The following DRAM1 variants were observed in gnomAD, a reference collection of about 807,000 sequenced individuals.
DRAM1 encodes the protein DNA damage regulated autophagy modulator 1, also known as DNA damage-regulated autophagy modulator protein 1.
In DRAM1, 25 loss-of-function variants were observed where a neutral mutation model predicts 28.5. The ratio of observed to expected loss-of-function variants is 0.88; its 90% CI spans 0.64 to 1.23. DRAM1 has a LOEUF of 1.23. DRAM1 is among the 50% of genes most tolerant of loss of function. The pLI is 0.00. For missense variants in DRAM1, 249 were observed against 299.2 expected, an observed-to-expected ratio of 0.83 and a Z score of 1.24; for synonymous variants, 113 against 114.2, an observed-to-expected ratio of 0.99 and a Z score of 0.07.
At chr12:101,882,596 T>C (rs938942945) in intron 1 of DRAM1, among the ~76,000 whole-genome samples, 1 of 151,336 alleles carries the variant, frequency 6.6e-6, no homozygotes, top group Non-Finnish European at 1.5e-5. Flanking sequence ...GAAAAGATAC[T>C]CAACTTTATG....
chr12:101,908,893 CAAA>C (rs56843086), intron 4 of DRAM1, among the ~76,000 whole-genome samples: 4 of 70,908 alleles, frequency 5.6e-5, no homozygotes, highest in Non-Finnish European at 8.9e-5. Flanking sequence ...TCCCCACAAC[CAAA>C]AAAAAAAAAA....
chr12:101,919,066 C>T (rs185796209), intron 5 of DRAM1, among the ~76,000 whole-genome samples: 5 of 151,870 alleles, frequency 3.3e-5, no homozygotes, highest in East Asian at 1.9e-4. Context: ...GGACTGCAGG[C>T]GCAGGCCACC....
At chr12:101,900,678 A>G (rs1873566293) in intron 2 of DRAM1, among the ~76,000 whole-genome samples, 1 of 152,224 alleles carries the variant, frequency 6.6e-6, no homozygotes, top group Non-Finnish European at 1.5e-5. Context: ...GCAAGGGCAT[A>G]CACAATTGCT....
chr12:101,907,181 C>T (rs564076226), intron 3 of DRAM1, among the ~76,000 whole-genome samples: 221 of 120,990 alleles, frequency 1.8e-3, no homozygotes, highest in Middle Eastern at 6.1e-3. Flanking sequence ...ACCTAAGCGA[C>T]GGAGTGAGAC....
intron 3 of DRAM1, among the ~76,000 whole-genome samples, chr12:101,905,280 T>G (rs1172276657): frequency 6.6e-6 from 1 of 152,202 alleles, no homozygotes; most frequent in African/African-American, 2.4e-5. Flanking sequence ...TTTGTATTTG[T>G]ATTTTTACCT....
Position 101,904,426 on chromosome 12 carries a change from GGTTTTTTTTTTTT to G in DRAM1, c.342+2994_342+3006del, listed in dbSNP as rs1873721360. On this transcript the variant is annotated intron_variant, in intron 3 of 6. Coordinates refer to ENST00000258534, the MANE Select transcript of DRAM1 (RefSeq NM_018370.3). ...TGAAGCTGAGTGATAGAGCTTTAGG[GGTTTTTTTTTTTT>G]TTTTTTTTTTTTTTTTTTTTGAGAC... 2.8e-4 allele frequency among the ~76,000 whole-genome samples: 11 copies of G among 39,148 alleles called. 1 individual carries two copies. In the South Asian group the frequency reaches 4.9e-3, roughly 17 times the overall value. 25.7% of individuals were successfully genotyped at this position (39,148 alleles called of 152,430 possible).
chr12:101,891,327 T>A (rs1405168309), intron 1 of DRAM1, among the ~76,000 whole-genome samples: 1 of 152,222 alleles, frequency 6.6e-6, no homozygotes, highest in African/African-American at 2.4e-5. Context: ...ACACATGATG[T>A]TGCATTTTGT....
At chr12:101,898,010 T>C in intron 2 of DRAM1, 80 bp downstream of exon 2, 1 of 830,392 alleles carries the variant, frequency 1.2e-6, no homozygotes, top group South Asian at 1.9e-5. Flanking sequence ...GTAGTTTTCA[T>C]ATAATTTTTA....
chr12:101,881,573 G>A (rs1872688516), intron 1 of DRAM1, among the ~76,000 whole-genome samples: 1 of 152,170 alleles, frequency 6.6e-6, no homozygotes, highest in South Asian at 2.1e-4. Context: ...CGCTGGCCTT[G>A]TGTCTTAAAC....
intron 5 of DRAM1, among the ~76,000 whole-genome samples, chr12:101,914,780 C>T (rs1874170690): frequency 1.3e-5 from 2 of 152,038 alleles, no homozygotes; most frequent in South Asian, 2.1e-4. Flanking sequence ...GCCTCAGCCT[C>T]CCGAGTAGCT....
At chr12:101,911,808 A>G (rs1874050242) in intron 4 of DRAM1, among the ~76,000 whole-genome samples, 1 of 152,212 alleles carries the variant, frequency 6.6e-6, no homozygotes, top group Non-Finnish European at 1.5e-5. Flanking sequence ...TATTGAGTTA[A>G]ATAAGATGTA....
At chr12:101,914,087 T>A in intron 4 of DRAM1, 87 bp from the exon 5 acceptor site, 1 of 779,892 alleles carries the variant, frequency 1.3e-6, no homozygotes, top group Non-Finnish European at 1.9e-6. Flanking sequence ...CACCTTATAA[T>A]GATTATGTTA....
chr12:101,878,361 A>G (rs918647427), intron 1 of DRAM1, among the ~76,000 whole-genome samples: 6 of 152,190 alleles, frequency 3.9e-5, no homozygotes, highest in African/African-American at 1.4e-4. Flanking sequence ...TTATTCCCGC[A>G]AGCGAGCGGT....
intron 1 of DRAM1, among the ~76,000 whole-genome samples, chr12:101,895,912 A>G (rs1230158283): frequency 6.7e-6 from 1 of 149,908 alleles, no homozygotes; most frequent in Non-Finnish European, 1.5e-5. Context: ...TTTGAGACGG[A>G]GTCTTGCTCT....
At chr12:101,905,602 T>C (rs938105194) in intron 3 of DRAM1, among the ~76,000 whole-genome samples, 5 of 151,948 alleles carry the variant, frequency 3.3e-5, no homozygotes, top group Non-Finnish European at 5.9e-5. Context: ...TTTTATTTTA[T>C]TTTTTGAGAC....
Position 101,877,659 on chromosome 12 carries a change from C to G in DRAM1, c.-131C>G, listed in dbSNP as rs1872532215. 9.9e-6 allele frequency: 6 copies of G among 603,022 alleles called. No homozygotes were observed. The Admixed American group carries it at 1.4e-4, about 14-fold the overall frequency. The allele number at this position is 603,022 out of a possible 1,614,324, so 37.4% of individuals were successfully genotyped here. ...CCTCCCTCCGGGGCTGGGCCTGCCC[C>G]GGCCGTCGCGGAGCCTCCCCTCCCA... On this transcript the variant is annotated 5_prime_UTR_variant, in exon 1 of 7. Coordinates refer to ENST00000258534, the MANE Select transcript of DRAM1 (RefSeq NM_018370.3). The surrounding 1 kb of genome is among the most constrained non-coding windows in gnomAD (Gnocchi z 4.1).
intron 3 of DRAM1, among the ~76,000 whole-genome samples, chr12:101,905,925 GA>G (rs780521955): frequency 2.0e-5 from 3 of 152,140 alleles, no homozygotes; most frequent in African/African-American, 4.8e-5. Context: ...TGGTAGCTGG[GA>G]TTACAGGCAC....
intron 5 of DRAM1, among the ~76,000 whole-genome samples, chr12:101,915,117 CT>C (rs1874188075): frequency 1.3e-5 from 2 of 151,862 alleles, no homozygotes; most frequent in South Asian, 4.1e-4. Flanking sequence ...GTAGCTGGGA[CT>C]ATAGGCGCCT....
chr12:101,901,615 G>GCCACCACACC, intron 3 of DRAM1, 182 bp downstream of exon 3: 5 of 656,174 alleles, frequency 7.6e-6, no homozygotes, highest in Non-Finnish European at 1.3e-5. Flanking sequence ...GCCAGGTGTG[G>GCCACCACACC]TGGCTCACAC....
Sources: allele counts gnomAD v4.1 joint callset (sites outside exome capture counted in the v4.1 genomes callset), GRCh38; gene constraint gnomAD v4.1.1; non-coding constraint Gnocchi (gnomAD v3.1); transcripts MANE v1.5; gene names NCBI Gene and HGNC (gene_info 2026-07-23, HGNC 2026-07-21).